MIA2: variants seen among roughly 807,000 people sequenced by gnomAD.
MIA2 encodes melanoma inhibitory activity protein 2.
In MIA2, 127 loss-of-function variants were observed where a neutral mutation model predicts 167.8. That is an observed-to-expected ratio of 0.76 (90% CI 0.66 to 0.88). The LOEUF is 0.88. MIA2 is among the 40% of genes least tolerant of loss of function. The pLI, the probability that MIA2 is intolerant of heterozygous loss-of-function variation, is 0.00. For synonymous variants in MIA2, 552 were observed against 541.9 expected (o/e 1.02, Z -0.26); for missense variants, 1,690 against 1,624.7 (o/e 1.04, Z -0.69).
downstream of MIA2, among the ~76,000 whole-genome samples, chr14:39,354,636 A>T (rs1415438566): frequency 1.3e-5 from 2 of 152,174 alleles, no homozygotes. Flanking sequence ...ATCCTTGCCC[A>T]TGCCTATGTC....
At position 39,247,531 on chromosome 14, in the gene MIA2, T is replaced by C; in HGVS notation, c.957T>C (p.Gly319=). ...WFGGGFTSYL[G]FGDEDTGLEL... is the part of the protein sequence containing the mutation. The stretch of plus-strand genomic sequence containing the variant: ...GTGGAGGATTTACAAGTTATTTAGG[T>C]TTTGGAGATGAGGATACAGGGCTTG... The change falls in exon 4 of 29, where the codon GGT becomes GGC. Residue 319 remains glycine (G), a synonymous_variant. Coordinates refer to ENST00000640607, the MANE Select transcript of MIA2 (RefSeq NM_001329214.4). 2 of 1,613,968 alleles carry C rather than the reference T, an allele frequency of 1.2e-6. No homozygotes were observed. Among genetic ancestry groups the C allele is most frequent in the Non-Finnish European group, 1.7e-6 (2 of 1,179,980 alleles).
intron 23 of MIA2, among the ~76,000 whole-genome samples, chr14:39,379,900 C>A (rs568553514): frequency 6.6e-6 from 1 of 151,928 alleles, no homozygotes; most frequent in Admixed American, 6.6e-5. Context: ...ATGTTTTTAT[C>A]TCAGTTTTCC....
chr14:39,381,788 A>T (rs2075169272), intron 23 of MIA2, among the ~76,000 whole-genome samples: 1 of 151,760 alleles, frequency 6.6e-6, no homozygotes, highest in South Asian at 2.1e-4. Flanking sequence ...AGTTGGTCAA[A>T]CCCAATGGGA....
At chr14:39,305,581 T>A (rs2063202096) in intron 17 of MIA2, among the ~76,000 whole-genome samples, 1 of 152,250 alleles carries the variant, frequency 6.6e-6, no homozygotes, top group South Asian at 2.1e-4. Context: ...CTAAACTGTT[T>A]CTTCCTTTTC....
At chr14:39,295,985 T>C (rs1291800509) in intron 13 of MIA2, among the ~76,000 whole-genome samples, 1 of 152,246 alleles carries the variant, frequency 6.6e-6, no homozygotes, top group Non-Finnish European at 1.5e-5. Context: ...ATCTTATTCA[T>C]GCCTTCAAAT....
At chr14:39,306,537 T>G (rs71407784) in intron 17 of MIA2, among the ~76,000 whole-genome samples, 1 of 152,278 alleles carries the variant, frequency 6.6e-6, no homozygotes, top group African/African-American at 2.4e-5. Context: ...AACCACCCCC[T>G]TGGTCCAATC....
intron 6 of MIA2, among the ~76,000 whole-genome samples, chr14:39,259,864 C>CG (rs1034912514): frequency 6.6e-6 from 1 of 152,042 alleles, no homozygotes. Flanking sequence ...CCTATCCCCC[C>CG]GCCAACATGA....
intron 24 of MIA2, among the ~76,000 whole-genome samples, chr14:39,323,750 T>A (rs959588895): frequency 1.3e-5 from 2 of 152,220 alleles, no homozygotes; most frequent in Admixed American, 6.5e-5. Context: ...CACTGGAAAT[T>A]GAATTACATA....
At chr14:39,340,967 A>T (rs1418522622) in intron 25 of MIA2, among the ~76,000 whole-genome samples, 1 of 152,180 alleles carries the variant, frequency 6.6e-6, no homozygotes, top group African/African-American at 2.4e-5. Flanking sequence ...TGAATGAAAA[A>T]GAGATGGTAG....
chr14:39,363,979 G>C lies in MIA2; in HGVS notation c.2248+15002G>C, dbSNP rs186111737. On this transcript the variant is annotated intron_variant, in intron 23 of 23. Transcript: ENST00000341502. Reference sequence around the variant, plus strand: ...TTCTGGTTTTTAATTCACTCAGCCAGTCTACACCTTTTAAGCGGAAAGTTT... The same window carrying C: ...TTCTGGTTTTTAATTCACTCAGCCACTCTACACCTTTTAAGCGGAAAGTTT... Among the ~76,000 whole-genome samples the C allele has an allele frequency of 1.7e-3, 261 of 152,262 alleles. 1 individual carries two copies. Among genetic ancestry groups the C allele is most frequent in the African/African-American group, 5.6e-3 (232 of 41,540 alleles).
rs576460630 is a variant in MIA2, at chr14:39,252,591, T to C, written c.1568-157T>C. ...TTATCTTACTAGCAATAGGAACTAA[T>C]ACAGGATACAATTTATGTTTTAGTG... is the stretch of plus-strand genomic sequence containing the variant. On this transcript the variant is annotated intron_variant, in intron 4 of 28. Coordinates refer to ENST00000640607, the MANE Select transcript of MIA2 (RefSeq NM_001329214.4). 2.0e-5 allele frequency among the ~76,000 whole-genome samples: 3 copies of C among 152,346 alleles called. No individual in the cohort carries two copies. In the South Asian group the frequency reaches 6.2e-4, roughly 32 times the overall value.
At chr14:39,261,483 A>G (rs184813256) in intron 6 of MIA2, among the ~76,000 whole-genome samples, 1 of 152,352 alleles carries the variant, frequency 6.6e-6, no homozygotes, top group East Asian at 1.9e-4. Flanking sequence ...AGCATGATTT[A>G]TAATCCTTTG....
chr14:39,343,361 G>A (rs1227018746), intron 25 of MIA2, among the ~76,000 whole-genome samples: 1 of 152,106 alleles, frequency 6.6e-6, no homozygotes, highest in Non-Finnish European at 1.5e-5. Context: ...TGGCCAGGCC[G>A]ATCTTGAACT....
chr14:39,353,532 T>TA (rs2074445802), downstream of MIA2, among the ~76,000 whole-genome samples: 1 of 152,238 alleles, frequency 6.6e-6, no homozygotes, highest in African/African-American at 2.4e-5. Context: ...TTTCATTTTT[T>TA]ATGACTGAAT....
At chr14:39,382,020 T>G (rs2075175332) in intron 23 of MIA2, among the ~76,000 whole-genome samples, 1 of 152,134 alleles carries the variant, frequency 6.6e-6, no homozygotes, top group South Asian at 2.1e-4. Context: ...GGGTCCAGGC[T>G]AAAGACTGTT....
At chr14:39,268,327 A>G (rs1713883137) in intron 6 of MIA2, among the ~76,000 whole-genome samples, 1 of 152,190 alleles carries the variant, frequency 6.6e-6, no homozygotes, top group African/African-American at 2.4e-5. Flanking sequence ...TTATGAGTTC[A>G]TAGTTTGTCT....
At chr14:39,330,001 A>G (rs370273439) in intron 25 of MIA2, among the ~76,000 whole-genome samples, 1 of 152,004 alleles carries the variant, frequency 6.6e-6, no homozygotes, top group Non-Finnish European at 1.5e-5. Flanking sequence ...GCTAGGGAGG[A>G]TTCCCTCTTT....
intron 9 of MIA2, 29 bp downstream of exon 9, chr14:39,279,566 G>T (rs2152752258): frequency 2.1e-6 from 3 of 1,442,538 alleles, no homozygotes; most frequent in Non-Finnish European, 1.9e-6. Flanking sequence ...TAATATTCAT[G>T]TTAGAGTCAG....
intron 7 of MIA2, among the ~76,000 whole-genome samples, chr14:39,277,768 A>G (rs1424307319): frequency 3.7e-4 from 14 of 38,136 alleles, no homozygotes; most frequent in Non-Finnish European, 4.8e-4. Flanking sequence ...ATATATATAT[A>G]TATATATATA....
Sources: allele counts gnomAD v4.1 joint callset (sites outside exome capture counted in the v4.1 genomes callset), GRCh38; gene constraint gnomAD v4.1.1; transcripts MANE v1.5; gene names NCBI Gene and HGNC (gene_info 2026-07-23, HGNC 2026-07-21).